The following ARHGAP15 variants were observed in gnomAD, a reference collection of about 807,000 sequenced individuals.
The protein encoded by ARHGAP15 is rho GTPase-activating protein 15.
A neutral mutation model predicts 63.7 loss-of-function variants in ARHGAP15; 51 were observed. The ratio of observed to expected loss-of-function variants is 0.80; its 90% CI spans 0.64 to 1.01. ARHGAP15 has a LOEUF of 1.01. Among genes scored for constraint, ARHGAP15 ranks in the 50% least tolerant of loss-of-function variants. The probability of loss-of-function intolerance (pLI) is 0.00; values close to 1 mark genes in which losing one functional copy is unlikely to be tolerated. For missense variants in ARHGAP15, 560 were observed against 564.6 expected (o/e 0.99, Z 0.08); for synonymous variants, 191 against 193.8 (o/e 0.99, Z 0.12).
chr2:143,445,353 C>T (rs1049786791), intron 8 of ARHGAP15, among the ~76,000 whole-genome samples: 11 of 151,316 alleles, frequency 7.3e-5, no homozygotes, highest in Non-Finnish European at 1.3e-4. Flanking sequence ...AGTAGAGATG[C>T]GATTTCACTC....
chr2:143,677,927 G>T (rs914823746), intron 12 of ARHGAP15, among the ~76,000 whole-genome samples: 1 of 152,188 alleles, frequency 6.6e-6, no homozygotes, highest in Non-Finnish European at 1.5e-5. Context: ...TCCAAAAGAG[G>T]TCAGGTGCGG....
chr2:143,218,062 T>G (rs1692828247), intron 4 of ARHGAP15, among the ~76,000 whole-genome samples: 1 of 152,182 alleles, frequency 6.6e-6, no homozygotes, highest in Non-Finnish European at 1.5e-5. Context: ...AACAGGTCCC[T>G]TCCCCCAGCC....
chr2:143,425,413 T>A (rs534921008), intron 6 of ARHGAP15, among the ~76,000 whole-genome samples: 1 of 151,966 alleles, frequency 6.6e-6, no homozygotes, highest in Admixed American at 6.6e-5. Context: ...CTTTATAGTA[T>A]GTATGTACAT....
At chr2:143,634,974 T>G (rs529201352) in intron 12 of ARHGAP15, among the ~76,000 whole-genome samples, 143 of 152,164 alleles carry the variant, frequency 9.4e-4, no homozygotes, top group African/African-American at 3.4e-3. Context: ...AAGAGCCAAC[T>G]CCAAAGTGAT....
intron 6 of ARHGAP15, among the ~76,000 whole-genome samples, chr2:143,352,042 G>A (rs1347714868): frequency 2.0e-5 from 3 of 152,074 alleles, no homozygotes; most frequent in Admixed American, 2.0e-4. Flanking sequence ...TTAAGACAAA[G>A]CTTCACCCTG....
chr2:143,190,814 C>T (rs1469534295), intron 2 of ARHGAP15, among the ~76,000 whole-genome samples: 1 of 152,158 alleles, frequency 6.6e-6, no homozygotes, highest in Non-Finnish European at 1.5e-5. Flanking sequence ...CACAACTGCA[C>T]CCCGGGAGTG....
At chr2:143,348,510 C>G (rs1189238078) in intron 6 of ARHGAP15, among the ~76,000 whole-genome samples, 1 of 151,982 alleles carries the variant, frequency 6.6e-6, no homozygotes, top group Non-Finnish European at 1.5e-5. Flanking sequence ...TAAAACCAAA[C>G]AGTGTTAAAC....
At chr2:143,366,967 T>C (rs1354048700) in intron 6 of ARHGAP15, among the ~76,000 whole-genome samples, 3 of 152,108 alleles carry the variant, frequency 2.0e-5, no homozygotes, top group Non-Finnish European at 2.9e-5. Context: ...TTTCAAAGTG[T>C]CCTGTATCAT....
intron 12 of ARHGAP15, among the ~76,000 whole-genome samples, chr2:143,629,759 C>T (rs1698990890): frequency 6.6e-6 from 1 of 152,090 alleles, no homozygotes; most frequent in South Asian, 2.1e-4. Context: ...AATAAGAAAG[C>T]AGGAGATATT....
intron 1 of ARHGAP15, among the ~76,000 whole-genome samples, chr2:143,154,169 A>G (rs1043430538): frequency 2.6e-5 from 4 of 151,746 alleles, no homozygotes; most frequent in Non-Finnish European, 5.9e-5. Flanking sequence ...TTATAAAAAT[A>G]TGGGTTTAAT....
At chr2:143,517,654 A>G (rs35116886) in intron 9 of ARHGAP15, among the ~76,000 whole-genome samples, 1 of 152,204 alleles carries the variant, frequency 6.6e-6, no homozygotes, top group Non-Finnish European at 1.5e-5. Context: ...TAAGCAGAAA[A>G]CATTTCAGTC....
chr2:143,525,224 G>A (rs6732131), intron 10 of ARHGAP15, among the ~76,000 whole-genome samples: 50,266 of 151,804 alleles, frequency 0.33, 8,546 homozygotes, highest in East Asian at 0.42. Context: ...GTACTGTTAA[G>A]TTTGTGATGA....
chr2:143,566,310 G>A (rs1313991897), intron 11 of ARHGAP15, among the ~76,000 whole-genome samples: 1 of 152,120 alleles, frequency 6.6e-6, no homozygotes, highest in Non-Finnish European at 1.5e-5. Flanking sequence ...GATTAATATG[G>A]AAGGGAGAGA....
intron 11 of ARHGAP15, among the ~76,000 whole-genome samples, chr2:143,578,150 G>A (rs544139276): frequency 9.9e-5 from 15 of 152,210 alleles, no homozygotes; most frequent in African/African-American, 2.4e-4. Context: ...TCCAAGTTAC[G>A]TTGGTTTGCT....
intron 1 of ARHGAP15, among the ~76,000 whole-genome samples, chr2:143,153,777 A>ATCATCTTCATCTTCT (rs1553440880): frequency 2.3e-5 from 2 of 85,194 alleles, no homozygotes; most frequent in African/African-American, 8.7e-5. Flanking sequence ...TATATAATAA[A>ATCATCTTCATCTTCT]TCTTCTTCTT....
At chr2:143,180,663 T>A (rs1190747118) in intron 2 of ARHGAP15, among the ~76,000 whole-genome samples, 1 of 152,244 alleles carries the variant, frequency 6.6e-6, no homozygotes, top group Non-Finnish European at 1.5e-5. Context: ...TTATTAAATA[T>A]ATTTCTTTTT....
intron 2 of ARHGAP15, among the ~76,000 whole-genome samples, chr2:143,168,702 A>G (rs1271633983): frequency 1.3e-5 from 2 of 151,994 alleles, no homozygotes; most frequent in Non-Finnish European, 2.9e-5. Context: ...GCACTTGTAA[A>G]TCTTATCATA....
intron 2 of ARHGAP15, among the ~76,000 whole-genome samples, chr2:143,185,792 A>G (rs890978386): frequency 2.0e-5 from 3 of 152,206 alleles, no homozygotes; most frequent in African/African-American, 7.2e-5. Flanking sequence ...GATGTTTTGT[A>G]GCATAAAGTG....
intron 6 of ARHGAP15, among the ~76,000 whole-genome samples, chr2:143,379,543 G>A (rs975625852): frequency 2.7e-5 from 4 of 150,476 alleles, no homozygotes; most frequent in Non-Finnish European, 5.9e-5. Flanking sequence ...ATGAGAGAGA[G>A]AGAATCAGCT....
Sources: allele counts gnomAD v4.1 joint callset (sites outside exome capture counted in the v4.1 genomes callset), GRCh38; gene constraint gnomAD v4.1.1; transcripts MANE v1.5; gene names NCBI Gene and HGNC (gene_info 2026-07-23, HGNC 2026-07-21).